SYNPR: variants seen among roughly 807,000 people sequenced by gnomAD.
SYNPR encodes the protein synaptoporin.
SYNPR carries 23 observed loss-of-function variants against 32.9 expected under a neutral mutation model. The ratio of observed to expected loss-of-function variants is 0.70; its 90% confidence interval spans 0.50 to 0.99. The LOEUF (loss-of-function observed/expected upper bound fraction) is 0.99, where lower values mean the gene tolerates loss of function less well. Among genes scored for constraint, SYNPR ranks in the 50% least tolerant of loss-of-function variants. The pLI is 0.00. For missense variants in SYNPR, 318 were observed against 349.3 expected (o/e 0.91, Z 0.71); for synonymous variants, 146 against 135.9 (o/e 1.07, Z -0.52).
chr3:63,555,721 T>G (rs533628472), intron 3 of SYNPR, among the ~76,000 whole-genome samples: 2 of 152,208 alleles, frequency 1.3e-5, no homozygotes, highest in Non-Finnish European at 2.9e-5. Context: ...AAGTACTATT[T>G]ACTCAGTGCC....
rs948444398 is a variant in SYNPR, at chr3:63,407,553, T to C, written c.85-73279T>C. On this transcript the variant is annotated intron_variant, in intron 2 of 5. Transcript: ENST00000478300. ...GTGTTTAACAGGACTTGACAAGGAG[T>C]AAATGCTCAATATGTCTTAGCTGTT... is the stretch of plus-strand genomic sequence containing the variant. Among the ~76,000 whole-genome samples the C allele has an allele frequency of 2.6e-5, 4 of 152,274 alleles. No individual in the cohort carries two copies. In the South Asian group the frequency reaches 8.3e-4, roughly 32 times the overall value.
intron 2 of SYNPR, among the ~76,000 whole-genome samples, chr3:63,410,044 A>AC (rs397989886): frequency 2.6e-5 from 4 of 151,872 alleles, no homozygotes; most frequent in Non-Finnish European, 4.4e-5. Flanking sequence ...AACAAAAAAA[A>AC]CACTTTGTTG....
At chr3:63,432,955 G>T (rs191073372) in intron 2 of SYNPR, among the ~76,000 whole-genome samples, 105 of 152,312 alleles carry the variant, frequency 6.9e-4, no homozygotes, top group South Asian at 6.0e-3. Context: ...TACCCTCCTG[G>T]CTTCTGATTC....
intron 2 of SYNPR, among the ~76,000 whole-genome samples, chr3:63,437,869 AT>A (rs1348001296): frequency 6.6e-6 from 1 of 152,090 alleles, no homozygotes; most frequent in African/African-American, 2.4e-5. Context: ...AGCACCTCCC[AT>A]TAGGATGCCT....
chr3:63,473,386 T>G (rs992759723), intron 2 of SYNPR, among the ~76,000 whole-genome samples: 2 of 84,134 alleles, frequency 2.4e-5, no homozygotes, highest in East Asian at 7.7e-4. Flanking sequence ...GGAAGGATAT[T>G]GATTGATTGA....
chr3:63,336,519 CAAAAAAAAAAAAAAAAAAAAAAAAAA>C (rs3082131), intron 2 of SYNPR, among the ~76,000 whole-genome samples: 39 of 48,838 alleles, frequency 8.0e-4, no homozygotes, highest in Middle Eastern at 0.017. Flanking sequence ...CATTCCCATG[CAAAAAAAAAAAAAAAAAAAAAAAAAA>C]AAAAAAAAAA....
chr3:63,299,387 TTTTTTTGTTTTGTTTCG>T (rs2086821088), intron 2 of SYNPR, among the ~76,000 whole-genome samples: 1 of 152,108 alleles, frequency 6.6e-6, no homozygotes. Context: ...ACAATTTTTG[TTTTTTTGTTTTGTTTCG>T]TTTTTTGTTT....
At chr3:63,387,748 G>A (rs2088072310) in intron 2 of SYNPR, among the ~76,000 whole-genome samples, 1 of 152,136 alleles carries the variant, frequency 6.6e-6, no homozygotes, top group Admixed American at 6.5e-5. Flanking sequence ...ATTATGTAGT[G>A]GAGGCTATTG....
intron 2 of SYNPR, 25 bp from the exon 3 acceptor site, chr3:63,480,807 C>T (rs1199003574): frequency 6.2e-7 from 1 of 1,611,020 alleles, no homozygotes. Context: ...TAACTGCCTT[C>T]TATTTGTTTA....
At chr3:63,358,418 C>A (rs1389224757) in intron 2 of SYNPR, among the ~76,000 whole-genome samples, 1 of 152,198 alleles carries the variant, frequency 6.6e-6, no homozygotes, top group Non-Finnish European at 1.5e-5. Flanking sequence ...CCTTCTCTAG[C>A]TCTGACTTCC....
intron 4 of SYNPR, among the ~76,000 whole-genome samples, chr3:63,583,512 T>A (rs1190855849): frequency 1.3e-5 from 2 of 152,234 alleles, no homozygotes; most frequent in South Asian, 4.1e-4. Context: ...TGTGTGGACA[T>A]CTTAAAGAAA....
chr3:63,523,502 C>T (rs535288088), intron 3 of SYNPR, among the ~76,000 whole-genome samples: 2 of 152,278 alleles, frequency 1.3e-5, no homozygotes, highest in East Asian at 3.9e-4. Flanking sequence ...GAATTATTCT[C>T]TCCCTTTGCC....
At chr3:63,556,442 C>A in intron 3 of SYNPR, 101 bp from the exon 4 acceptor site, 1 of 1,057,934 alleles carries the variant, frequency 9.5e-7, no homozygotes, top group Non-Finnish European at 1.4e-6. Flanking sequence ...CACTAAAACT[C>A]CCAGATCACA....
At chr3:63,560,138 G>T (rs2106832634) in intron 4 of SYNPR, among the ~76,000 whole-genome samples, 1 of 152,258 alleles carries the variant, frequency 6.6e-6, no homozygotes, top group East Asian at 1.9e-4. Context: ...GTGGGAGGAA[G>T]GAACAGAGAG....
chr3:63,507,720 A>G (rs190397621), intron 3 of SYNPR, among the ~76,000 whole-genome samples: 1 of 152,338 alleles, frequency 6.6e-6, no homozygotes, highest in East Asian at 1.9e-4. Context: ...ATCAGGGGAA[A>G]CTAGAGGAAG....
chr3:63,267,976 A>G (rs1209702295), intron 3 of SYNPR, among the ~76,000 whole-genome samples: 2 of 152,228 alleles, frequency 1.3e-5, no homozygotes, highest in African/African-American at 4.8e-5. Context: ...GAAATATTTT[A>G]AAACAGTTCA....
At chr3:63,465,886 C>T (rs1013030649) in intron 2 of SYNPR, among the ~76,000 whole-genome samples, 5 of 151,932 alleles carry the variant, frequency 3.3e-5, no homozygotes, top group Admixed American at 2.0e-4. Context: ...TTGGTTGATA[C>T]GTCCCTTAAG....
In SYNPR at chr3:63,314,020, CATATATATATATATCCAT is replaced by C. The variant is rs1560189129; in HGVS notation, c.84+35291_84+35308del. Among the ~76,000 whole-genome samples the C allele has an allele frequency of 1.8e-3, 9 of 4,882 alleles. 1 individual carries two copies. Among genetic ancestry groups the C allele is most frequent in the Non-Finnish European group, 2.9e-3 (5 of 1,732 alleles). The allele number at this position is 4,882 out of a possible 152,430, so 3.2% of individuals were successfully genotyped here. Reference sequence around the variant, plus strand: ...ATATATATATCCATATATATATATCCATATATATATATATCCATATATATATATATCCATATATATATA... The same window carrying C: ...ATATATATATCCATATATATATATCCATATATATATATCCATATATATATA... On this transcript the variant is annotated intron_variant, in intron 2 of 5. Coordinates refer to ENST00000478300, the MANE Select transcript of SYNPR (RefSeq NM_001130003.2).
intron 3 of SYNPR, among the ~76,000 whole-genome samples, chr3:63,483,445 G>A (rs1701085579): frequency 6.6e-6 from 1 of 152,122 alleles, no homozygotes; most frequent in South Asian, 2.1e-4. Flanking sequence ...GTATGTATAT[G>A]TGTGTAAAAT....
Sources: gnomAD v4.1 joint callset for allele counts (sites outside exome capture counted in the v4.1 genomes callset) on GRCh38, gnomAD v4.1.1 for gene constraint, MANE v1.5 for transcripts, NCBI Gene and HGNC (gene_info 2026-07-23, HGNC 2026-07-21) for gene names.